Variants in PCDHA5 observed in about 807,000 individuals in gnomAD.
PCDHA5 encodes the protein protocadherin alpha 5.
A neutral mutation model predicts 61.6 loss-of-function variants in PCDHA5; 43 were observed. The observed-to-expected ratio is 0.70, with a 90% CI of 0.55 to 0.90. The LOEUF is 0.90. Ranked by LOEUF, PCDHA5 falls within the 40% of genes least tolerant of loss-of-function variation. The pLI is 0.00. For missense variants in PCDHA5, 1,298 were observed against 1,222.7 expected (o/e 1.06, Z -0.92); for synonymous variants, 627 against 543.9 (o/e 1.15, Z -2.13).
Position 140,928,034 on chromosome 5 carries a change from G to T in PCDHA5, c.2353-50915G>T. 3 of 1,614,206 alleles carry T rather than the reference G, an allele frequency of 1.9e-6. No homozygotes were observed. Among genetic ancestry groups the T allele is most frequent in the Non-Finnish European group, 2.5e-6 (3 of 1,180,036 alleles). Reference sequence around the variant, plus strand: ...GGTAGGGTCATTTGTGGCATGTCTAGTGCAGGCCCTTTTCAGCTGACGGCT... The same window carrying T: ...GGTAGGGTCATTTGTGGCATGTCTATTGCAGGCCCTTTTCAGCTGACGGCT... On this transcript the variant is annotated intron_variant, in intron 1 of 3. Transcript: ENST00000529859.
chr5:140,918,585 T>A (rs147777186), intron 1 of PCDHA5, among the ~76,000 whole-genome samples: 51 of 152,368 alleles, frequency 3.3e-4, no homozygotes, highest in African/African-American at 9.9e-4. Context: ...ATTGGCTATA[T>A]GTTCTATAGA....
intron 1 of PCDHA5, among the ~76,000 whole-genome samples, chr5:140,907,719 C>A (rs2153502555): frequency 1.3e-5 from 2 of 152,330 alleles, no homozygotes; most frequent in South Asian, 4.1e-4. Flanking sequence ...CCATGTGTAA[C>A]CTCCATCCCT....
intron 1 of PCDHA5, among the ~76,000 whole-genome samples, chr5:140,937,993 G>A (rs1554211932): frequency 6.6e-6 from 1 of 151,358 alleles, no homozygotes. Flanking sequence ...TGTTAACTTT[G>A]TATCCAATGT....
intron 1 of PCDHA5, among the ~76,000 whole-genome samples, chr5:140,930,773 TA>T (rs1192170091): frequency 6.6e-6 from 1 of 152,226 alleles, no homozygotes; most frequent in East Asian, 1.9e-4. Flanking sequence ...CTGTACTTAA[TA>T]TTTTCACAAT....
At chr5:140,869,316 T>A in intron 1 of PCDHA5, 1 of 1,613,748 alleles carries the variant, frequency 6.2e-7, no homozygotes, top group Non-Finnish European at 8.5e-7. Context: ...CCAAAACACA[T>A]GGGGACCTTC....
chr5:140,829,418 G>C, intron 1 of PCDHA5: 2 of 1,614,154 alleles, frequency 1.2e-6, no homozygotes, highest in African/African-American at 1.3e-5. Context: ...CAGCTTGTCT[G>C]TGGAGGTGGC....
chr5:140,980,441 A>G (rs1454168972), intron 2 of PCDHA5, among the ~76,000 whole-genome samples: 7 of 152,124 alleles, frequency 4.6e-5, no homozygotes, highest in African/African-American at 1.7e-4. Context: ...ACCATCCTGG[A>G]CAACACGGTG....
chr5:140,856,367 G>C, intron 1 of PCDHA5: 1 of 1,598,612 alleles, frequency 6.3e-7, no homozygotes, highest in Non-Finnish European at 8.6e-7. Context: ...CCACCTGGAG[G>C]TGATCGTGGA....
chr5:141,000,080 G>T (rs1554257118), intron 3 of PCDHA5, among the ~76,000 whole-genome samples: 1 of 152,068 alleles, frequency 6.6e-6, no homozygotes, highest in Non-Finnish European at 1.5e-5. Context: ...ACAATGCTAG[G>T]CCTGTGAATG....
intron 1 of PCDHA5, chr5:140,853,286 T>G: frequency 2.0e-6 from 2 of 981,814 alleles, no homozygotes; most frequent in Non-Finnish European, 2.5e-6. Flanking sequence ...CATATGCAAA[T>G]TCTCAGAAGG....
chr5:140,871,712 A>G, intron 1 of PCDHA5: 1 of 805,086 alleles, frequency 1.2e-6, no homozygotes, highest in South Asian at 2.2e-5. Context: ...TAAATGTCCT[A>G]TTTCTCTTAA....
At chr5:140,977,246 C>T (rs939682133) in intron 1 of PCDHA5, among the ~76,000 whole-genome samples, 1 of 152,172 alleles carries the variant, frequency 6.6e-6, no homozygotes, top group Non-Finnish European at 1.5e-5. Flanking sequence ...AAATTGGCAA[C>T]ATTTCTCAGC....
intron 3 of PCDHA5, among the ~76,000 whole-genome samples, chr5:140,991,755 C>T (rs2153897425): frequency 6.6e-6 from 1 of 152,268 alleles, no homozygotes; most frequent in South Asian, 2.1e-4. Context: ...TTCTATCATG[C>T]TCTTCAAAAT....
In PCDHA5 at chr5:140,822,327, T is replaced by G. The variant is rs1006404493; in HGVS notation, c.552T>G (p.Asn184Lys). 24 of 1,613,994 alleles carry G rather than the reference T, an allele frequency of 1.5e-5. 1 individual carries two copies. In the East Asian group the frequency reaches 4.0e-4, roughly 27 times the overall value. Residue 184 changes from asparagine (N) to lysine (K), a missense_variant, in exon 1 of 4, where the codon AAT becomes AAG. Transcript: ENST00000529859. ...ATTTTGACTTAGATGTTAAAACAAA[T>G]GAAGAAGAAACGAACTTTTTAGAGC... is the stretch of plus-strand genomic sequence containing the variant. ...NEYFDLDVKT[N>K]EEETNFLELV...
intron 1 of PCDHA5, among the ~76,000 whole-genome samples, chr5:140,833,751 A>AC (rs1562332508): frequency 1.3e-5 from 2 of 151,248 alleles, no homozygotes; most frequent in African/African-American, 2.4e-5. Context: ...CTAAAAAGAA[A>AC]ACACACACAC....
In PCDHA5 at chr5:140,829,763, G is replaced by C. The variant is rs2150174106; in HGVS notation, c.2352+5636G>C. On this transcript the variant is annotated intron_variant, in intron 1 of 3. Coordinates refer to ENST00000529859, the MANE Select transcript of PCDHA5 (RefSeq NM_018908.3). ...GACGCTGCAGGTGTTCGTGCTGGAC[G>C]AGAACGACAACGCGCCGGCGCTGCT... The C allele has an allele frequency of 5.8e-5, 94 of 1,613,770 alleles. No homozygotes were observed. In the East Asian group the frequency reaches 2.1e-3, roughly 36 times the overall value.
In PCDHA5 at chr5:140,883,265, C is replaced by G. The variant is rs782741439; in HGVS notation, c.2352+59138C>G. 4.5e-5 allele frequency: 73 copies of G among 1,613,790 alleles called. No homozygotes were observed. The highest frequency in any genetic ancestry group is 6.0e-5 in the Non-Finnish European group (71 of 1,179,996). ...CAAAGGAAATATTCCAATGGCGGGTCATTGTACCCTTTTGGTGGAAGTACT... is the reference window on the plus strand; with the variant it reads ...CAAAGGAAATATTCCAATGGCGGGTGATTGTACCCTTTTGGTGGAAGTACT... On this transcript the variant is annotated intron_variant, in intron 1 of 3. Transcript: ENST00000529859.
chr5:140,876,118 G>A (rs2153337008), intron 1 of PCDHA5: 1 of 1,613,926 alleles, frequency 6.2e-7, no homozygotes, highest in South Asian at 1.1e-5. Flanking sequence ...GATGGTAATC[G>A]ATGGCGGTAA....
intron 1 of PCDHA5, among the ~76,000 whole-genome samples, chr5:140,905,476 C>A (rs904790256): frequency 6.6e-6 from 1 of 152,158 alleles, no homozygotes; most frequent in East Asian, 1.9e-4. Flanking sequence ...GTGATGCCTT[C>A]AGATTTCTTC....
Sources: gnomAD v4.1 joint callset for allele counts (sites outside exome capture counted in the v4.1 genomes callset) on GRCh38, gnomAD v4.1.1 for gene constraint, MANE v1.5 for transcripts, NCBI Gene and HGNC (gene_info 2026-07-23, HGNC 2026-07-21) for gene names.